Variants in STRN3 observed in about 807,000 individuals in gnomAD.
STRN3 encodes striatin-3.
A neutral mutation model predicts 95.6 loss-of-function variants in STRN3; 29 were observed. The observed-to-expected ratio is 0.30, with a 90% confidence interval of 0.23 to 0.41. The LOEUF (loss-of-function observed/expected upper bound fraction) is 0.41. Among genes scored for constraint, STRN3 ranks in the 10% least tolerant of loss-of-function variants. STRN3 has a pLI of 1.00. For synonymous variants in STRN3, 331 were observed against 357.6 expected (o/e 0.93, Z 0.84); for missense variants, 890 against 972.1 (o/e 0.92, Z 1.12).
intron 4 of STRN3, among the ~76,000 whole-genome samples, chr14:30,949,100 T>C (rs1448828853): frequency 6.6e-6 from 1 of 152,174 alleles, no homozygotes; most frequent in Non-Finnish European, 1.5e-5. Flanking sequence ...AAGAATGTCT[T>C]TAGAGTTTCC....
At chr14:30,965,635 C>T (rs1880449974) in intron 1 of STRN3, among the ~76,000 whole-genome samples, 1 of 150,970 alleles carries the variant, frequency 6.6e-6, no homozygotes, top group African/African-American at 2.4e-5. Flanking sequence ...GCCTGGCCAA[C>T]ATCATGAAAC....
chr14:30,990,883 G>C (rs1881921325), intron 1 of STRN3, among the ~76,000 whole-genome samples: 1 of 152,140 alleles, frequency 6.6e-6, no homozygotes, highest in South Asian at 2.1e-4. Flanking sequence ...GTCTGTACAT[G>C]TGCAGTACAG....
At chr14:31,009,263 T>C (rs1397099913) in intron 1 of STRN3, among the ~76,000 whole-genome samples, 4 of 152,116 alleles carry the variant, frequency 2.6e-5, no homozygotes, top group African/African-American at 7.2e-5. Context: ...CACCAATACA[T>C]ATATATAGTT....
At chr14:30,926,027 G>GA (rs997938513) in intron 8 of STRN3, among the ~76,000 whole-genome samples, 5 of 150,518 alleles carry the variant, frequency 3.3e-5, no homozygotes, top group Admixed American at 6.6e-5. Flanking sequence ...TCCATAAACA[G>GA]AAAAAAAAAG....
Position 31,010,538 on chromosome 14 carries a change from C to T in STRN3, c.282+15366G>A, listed in dbSNP as rs189631344. 3.2e-3 allele frequency among the ~76,000 whole-genome samples: 483 copies of T among 151,604 alleles called. 1 individual carries two copies. Among genetic ancestry groups the T allele is most frequent in the Non-Finnish European group, 5.5e-3 (374 of 67,952 alleles). On this transcript the variant is annotated intron_variant, in intron 1 of 17. Transcript: ENST00000357479. The stretch of plus-strand genomic sequence containing the variant: ...ATAAGGAAAAATGTTTCCAATAATC[C>T]CATCACCAAAAAATCACAAAGTATT...
intron 1 of STRN3, among the ~76,000 whole-genome samples, chr14:31,001,302 A>G (rs1056026571): frequency 2.6e-5 from 4 of 152,132 alleles, no homozygotes; most frequent in African/African-American, 9.7e-5. Flanking sequence ...TTGGGAGGCC[A>G]AAGTGGGAGG....
At chr14:30,970,130 A>G (rs1487191265) in intron 1 of STRN3, among the ~76,000 whole-genome samples, 2 of 152,128 alleles carry the variant, frequency 1.3e-5, no homozygotes, top group Non-Finnish European at 2.9e-5. Context: ...CACCAAGTCA[A>G]TTTCACCTCA....
intron 3 of STRN3, among the ~76,000 whole-genome samples, chr14:30,954,262 G>A (rs1214060913): frequency 6.6e-6 from 1 of 152,080 alleles, no homozygotes; most frequent in Non-Finnish European, 1.5e-5. Context: ...GTAGAAGAAA[G>A]GGAACTCTTT....
intron 1 of STRN3, among the ~76,000 whole-genome samples, chr14:31,022,730 A>G (rs376794431): frequency 6.6e-6 from 1 of 152,064 alleles, no homozygotes; most frequent in East Asian, 1.9e-4. Flanking sequence ...GGAATCAGAC[A>G]GACTTGGGTT....
intron 1 of STRN3, among the ~76,000 whole-genome samples, chr14:30,979,707 C>T (rs1881292968): frequency 6.6e-6 from 1 of 152,056 alleles, no homozygotes; most frequent in Non-Finnish European, 1.5e-5. Flanking sequence ...TCAAGCAATT[C>T]TCCTGCCTCA....
In STRN3 at chr14:30,955,627, A is replaced by G. The variant is rs140591684; in HGVS notation, c.453T>C (p.Phe151=). Residue 151 remains phenylalanine (F), a synonymous_variant, in exon 3 of 18, where the codon TTT becomes TTC. Coordinates refer to ENST00000357479, the MANE Select transcript of STRN3 (RefSeq NM_001083893.2). ...CAGAAGAAGCAAGTTTACCTGACTCAAAGGTTGGCATTTTCAAGTCACCTT... is the reference window on the plus strand; with the variant it reads ...CAGAAGAAGCAAGTTTACCTGACTCGAAGGTTGGCATTTTCAAGTCACCTT... ...LNQGDLKMPT[F]ESEETKDTEA... is the part of the protein sequence containing the mutation. 6.3e-7 allele frequency: 1 copy of G among 1,576,016 alleles called. No individual in the cohort carries two copies. The highest frequency in any genetic ancestry group is 1.4e-5 in the African/African-American group (1 of 71,826).
intron 1 of STRN3, among the ~76,000 whole-genome samples, chr14:31,016,131 T>G (rs1883225730): frequency 6.6e-6 from 1 of 152,200 alleles, no homozygotes; most frequent in Admixed American, 6.5e-5. Context: ...TACAGCCACT[T>G]TGGAAGATCA....
chr14:30,923,334 A>G (rs948461295), intron 8 of STRN3, among the ~76,000 whole-genome samples: 1 of 152,234 alleles, frequency 6.6e-6, no homozygotes, highest in Non-Finnish European at 1.5e-5. Flanking sequence ...AATAAAAATT[A>G]GAAAATGACT....
intron 1 of STRN3, among the ~76,000 whole-genome samples, chr14:31,002,766 T>C (rs553798106): frequency 1.3e-5 from 2 of 152,118 alleles, no homozygotes; most frequent in Non-Finnish European, 2.9e-5. Flanking sequence ...AGTCCACTTA[T>C]GTAAGGTACC....
At chr14:30,980,690 C>G (rs997488317) in intron 1 of STRN3, among the ~76,000 whole-genome samples, 25 of 152,198 alleles carry the variant, frequency 1.6e-4, no homozygotes, top group African/African-American at 6.0e-4. Flanking sequence ...CGTGACCCAC[C>G]GCACCCGGCC....
intron 1 of STRN3, among the ~76,000 whole-genome samples, chr14:30,971,800 T>C (rs1880843500): frequency 6.6e-6 from 1 of 152,164 alleles, no homozygotes; most frequent in Admixed American, 6.6e-5. Flanking sequence ...TGGAAAGGAA[T>C]AATAGCCTCA....
chr14:31,019,476 T>C (rs1246145712), intron 1 of STRN3, among the ~76,000 whole-genome samples: 2 of 152,018 alleles, frequency 1.3e-5, no homozygotes, highest in Non-Finnish European at 2.9e-5. Context: ...AAACTTTTCA[T>C]AAAAAAATTA....
chr14:30,966,979 C>A (rs903372522), intron 1 of STRN3, among the ~76,000 whole-genome samples: 1 of 151,798 alleles, frequency 6.6e-6, no homozygotes, highest in Non-Finnish European at 1.5e-5. Flanking sequence ...GACAAGACAC[C>A]CCCTGGTTTG....
intron 5 of STRN3, among the ~76,000 whole-genome samples, chr14:30,945,672 T>C (rs1243911751): frequency 6.6e-6 from 1 of 152,132 alleles, no homozygotes; most frequent in Non-Finnish European, 1.5e-5. Flanking sequence ...CAATGGAGTA[T>C]TATTCAGAAA....
Sources: gnomAD v4.1 joint callset for allele counts (sites outside exome capture counted in the v4.1 genomes callset) on GRCh38, gnomAD v4.1.1 for gene constraint, MANE v1.5 for transcripts, NCBI Gene and HGNC (gene_info 2026-07-23, HGNC 2026-07-21) for gene names.